The following HIPK3 variants were observed in gnomAD, a reference collection of about 807,000 sequenced individuals.
HIPK3 encodes homeodomain-interacting protein kinase 3.
In HIPK3, 47 loss-of-function variants were observed where a neutral mutation model predicts 124.2. That is an observed-to-expected ratio of 0.38 (90% CI 0.30 to 0.48). The LOEUF is 0.48. HIPK3 is among the 20% of genes least tolerant of loss of function. The pLI is 0.98. For synonymous variants in HIPK3, 482 were observed against 515.2 expected, an observed-to-expected ratio of 0.94 and a Z score of 0.87; for missense variants, 1,286 against 1,454.3, an observed-to-expected ratio of 0.88 and a Z score of 1.88.
At chr11:33,308,277 C>T (rs1852223134) in intron 2 of HIPK3, among the ~76,000 whole-genome samples, 1 of 152,138 alleles carries the variant, frequency 6.6e-6, no homozygotes, top group Non-Finnish European at 1.5e-5. Context: ...TGTTCTTCTG[C>T]CTGTGTCAGT....
At chr11:33,338,350 C>T (rs1167143507) in intron 4 of HIPK3, among the ~76,000 whole-genome samples, 1 of 152,154 alleles carries the variant, frequency 6.6e-6, no homozygotes, top group East Asian at 1.9e-4. Context: ...TCTCCTGCCT[C>T]AGCCTCCCAA....
chr11:33,297,778 CTTTT>C (rs1015881408), intron 2 of HIPK3, among the ~76,000 whole-genome samples: 144 of 81,972 alleles, frequency 1.8e-3, no homozygotes, highest in African/African-American at 3.2e-3. Flanking sequence ...AAAGAACAGG[CTTTT>C]TTTTTTTTTT....
At chr11:33,308,063 A>C (rs1311260879) in intron 2 of HIPK3, among the ~76,000 whole-genome samples, 3 of 151,868 alleles carry the variant, frequency 2.0e-5, no homozygotes, top group African/African-American at 7.2e-5. Flanking sequence ...CACCTTTTAC[A>C]TTTTGATTTG....
chr11:33,348,487 A>C (rs772806079), intron 12 of HIPK3, 35 bp from the exon 13 acceptor site: 2 of 1,498,870 alleles, frequency 1.3e-6, no homozygotes, highest in Non-Finnish European at 1.8e-6. Flanking sequence ...ACATATTTTG[A>C]TTATAGAAAT....
rs1397680414 is a variant in HIPK3 at position 33,304,680 on chromosome 11, ATATTATGCTTCAT to A, written c.1097+17171_1097+17183del. Among the ~76,000 whole-genome samples, 7 of 152,356 alleles carry A rather than the reference ATATTATGCTTCAT, an allele frequency of 4.6e-5. No individual in the cohort carries two copies. In the East Asian group the frequency reaches 1.3e-3, roughly 29 times the overall value. On this transcript the variant is annotated intron_variant, in intron 2 of 16. Coordinates refer to ENST00000303296, the MANE Select transcript of HIPK3 (RefSeq NM_005734.5). ...TGTATTTTATAATTTTACAAAATAC[ATATTATGCTTCAT>A]TTAACCAGTCCTCAATGATACACAT...
intron 2 of HIPK3, among the ~76,000 whole-genome samples, chr11:33,310,042 A>G (rs914432238): frequency 9.2e-5 from 14 of 152,240 alleles, no homozygotes; most frequent in African/African-American, 3.1e-4. Context: ...AAATTTCAAT[A>G]GCTGGATAAC....
chr11:33,298,785 A>G (rs1439854315), intron 2 of HIPK3, among the ~76,000 whole-genome samples: 1 of 152,180 alleles, frequency 6.6e-6, no homozygotes, highest in Non-Finnish European at 1.5e-5. Context: ...TTAGAAGTGG[A>G]GTCTGAAGAT....
At position 33,348,384 on chromosome 11, in the gene HIPK3, A is replaced by T. The variant is rs531431270; in HGVS notation, c.2370-138A>T. The T allele has an allele frequency of 4.9e-6, 5 of 1,013,498 alleles. No individual in the cohort carries two copies. The South Asian group carries it at 8.6e-5, about 17-fold the overall frequency. The allele number at this position is 1,013,498 out of a possible 1,614,324, so 62.8% of individuals were successfully genotyped here. A position where few individuals can be genotyped will look rare whatever the true frequency, so the allele number is the denominator to read the frequency against. On this transcript the variant is annotated intron_variant, in intron 12 of 16. Transcript: ENST00000303296. The stretch of plus-strand genomic sequence containing the variant: ...TAGAGCTATTTTATATTTCACAAAA[A>T]CTCAAGATCTGTTAGTGTGTTATAT...
chr11:33,286,938 G>C lies in HIPK3; in HGVS notation c.524G>C (p.Cys175Ser), dbSNP rs1283819120. The C allele has an allele frequency of 6.2e-7, 1 of 1,614,160 alleles. No individual in the cohort carries two copies. The highest frequency in any genetic ancestry group is 8.5e-7 in the Non-Finnish European group (1 of 1,180,014). ...GCTACCACAGGATCAAAACAGAATT[G>C]TACCACTGGAGAAGGTGACTATCAG... ...VTATTGSKQN[C>S]TTGEGDYQLV... Residue 175 changes from cysteine to serine, a missense_variant, in exon 2 of 17, where the codon TGT becomes TCT. Cys to Ser is a moderately radical substitution (Grantham distance 112). This residue lies in a region of HIPK3 where 225 missense variants were observed against 240.3 expected (regional missense o/e 0.94). Transcript: ENST00000303296.
chr11:33,298,882 T>C (rs1851912849), intron 2 of HIPK3, among the ~76,000 whole-genome samples: 1 of 152,150 alleles, frequency 6.6e-6, no homozygotes, highest in South Asian at 2.1e-4. Context: ...ATGGAGTCTG[T>C]GTTGCCCAGG....
chr11:33,273,050 T>C (rs905571360), intron 1 of HIPK3, among the ~76,000 whole-genome samples: 27 of 151,394 alleles, frequency 1.8e-4, no homozygotes, highest in African/African-American at 6.6e-4. Flanking sequence ...CCCAGGATGA[T>C]CTTAAACTCT....
rs1490975655 is a variant in HIPK3, at chr11:33,340,928, T to G, written c.1614-40T>G. Reference sequence around the variant, plus strand: ...TGTACCTCAATTTAAAACTAAGCTTTTAAAATAATACTGTAATACCTTCAC... The same window carrying G: ...TGTACCTCAATTTAAAACTAAGCTTGTAAAATAATACTGTAATACCTTCAC... On this transcript the variant is annotated intron_variant, in intron 6 of 16. Coordinates refer to ENST00000303296, the MANE Select transcript of HIPK3 (RefSeq NM_005734.5). The G allele has an allele frequency of 7.1e-6, 9 of 1,264,318 alleles. No individual in the cohort carries two copies. The East Asian group carries it at 2.3e-4, about 33-fold the overall frequency. 78.3% of individuals were successfully genotyped at this position (1,264,318 alleles called of 1,614,324 possible).
At chr11:33,345,091 A>G (rs572025993) in intron 8 of HIPK3, among the ~76,000 whole-genome samples, 1 of 152,138 alleles carries the variant, frequency 6.6e-6, no homozygotes, top group Non-Finnish European at 1.5e-5. Flanking sequence ...TGCATTTAAT[A>G]TATTTTAGAT....
intron 1 of HIPK3, among the ~76,000 whole-genome samples, chr11:33,263,313 TTTAA>T (rs1196144653): frequency 5.9e-5 from 9 of 152,282 alleles, no homozygotes; most frequent in East Asian, 5.8e-4. Flanking sequence ...TGAAATCTGC[TTTAA>T]TTAATTAATT....
chr11:33,257,614 C>A lies in HIPK3; in HGVS notation c.-278C>A. ...TCGCCCTAGCCAAGCCGTCCCCACCCCAAATCCCCGGGAAGGAAGATGAGG... is the reference window on the plus strand; with the variant it reads ...TCGCCCTAGCCAAGCCGTCCCCACCACAAATCCCCGGGAAGGAAGATGAGG... On this transcript the variant is annotated 5_prime_UTR_variant, in exon 1 of 17. Coordinates refer to ENST00000303296, the MANE Select transcript of HIPK3 (RefSeq NM_005734.5). The A allele has an allele frequency of 2.0e-6, 2 of 988,490 alleles. No individual in the cohort carries two copies. The highest frequency in any genetic ancestry group is 9.1e-5 in the South Asian group (2 of 22,026). 61.2% of individuals were successfully genotyped at this position (988,490 alleles called of 1,614,324 possible).
In HIPK3 at chr11:33,351,807, A is replaced by G. The variant is rs765016544; in HGVS notation, c.3007A>G (p.Asn1003Asp). 1.2e-6 allele frequency: 2 copies of G among 1,614,146 alleles called. No homozygotes were observed. Among genetic ancestry groups the G allele is most frequent in the Non-Finnish European group, 8.5e-7 (1 of 1,179,992 alleles). ...TGTGGTGCCACCAGTGGAACTAGAA[A>G]ATGGCTTAAATGCCGATGAGCATAT... ...SVVVPPVELE[N>D]GLNADEHMAN... The change falls in exon 15 of 17, where the codon AAT (asparagine) becomes GAT (aspartate). Residue 1003 changes from asparagine (N) to aspartate (D), a missense_variant. Transcript: ENST00000303296.
At chr11:33,272,741 C>T (rs1052931761) in intron 1 of HIPK3, among the ~76,000 whole-genome samples, 8 of 149,670 alleles carry the variant, frequency 5.3e-5, no homozygotes, top group South Asian at 4.3e-4. Flanking sequence ...GGTGCAATCT[C>T]GGCCTTTCCT....
chr11:33,257,215 G>C (rs1207754749), upstream of HIPK3: 2 of 983,858 alleles, frequency 2.0e-6, no homozygotes, highest in East Asian at 2.3e-4. Context: ...GCGCGGCTGC[G>C]GACTGGCGGG....
intron 2 of HIPK3, among the ~76,000 whole-genome samples, chr11:33,323,237 A>T (rs1040570031): frequency 3.9e-5 from 6 of 151,900 alleles, no homozygotes; most frequent in Admixed American, 1.3e-4. Flanking sequence ...ATGGGATTCC[A>T]TTTATTTATT....
Sources: gnomAD v4.1 joint callset for allele counts (sites outside exome capture counted in the v4.1 genomes callset) on GRCh38, gnomAD v4.1.1 for gene constraint, gnomAD v4.1.1 regional missense constraint, MANE v1.5 for transcripts, NCBI Gene and HGNC (gene_info 2026-07-23, HGNC 2026-07-21) for gene names.